Variants in BCAT1 observed in about 807,000 individuals in gnomAD.
The protein encoded by BCAT1 is branched chain amino acid transaminase 1.
In BCAT1, 48 loss-of-function variants were observed where a neutral mutation model predicts 52.4. That is an observed-to-expected ratio of 0.92 (90% CI 0.73 to 1.16). The LOEUF is 1.16. Ranked by LOEUF, BCAT1 falls within the 50% of genes most tolerant of loss-of-function variation. The pLI is 0.00. For synonymous variants in BCAT1, 167 were observed against 161.3 expected, an observed-to-expected ratio of 1.04 and a Z score of -0.27; for missense variants, 451 against 457.1, an observed-to-expected ratio of 0.99 and a Z score of 0.12.
chr12:24,887,612 T>C (rs976837478), intron 3 of BCAT1, among the ~76,000 whole-genome samples: 34 of 152,362 alleles, frequency 2.2e-4, no homozygotes, highest in African/African-American at 7.9e-4. Flanking sequence ...CGAGGGCTTC[T>C]GTGATGTTCA....
At chr12:24,896,165 T>A (rs1942955672) in intron 2 of BCAT1, among the ~76,000 whole-genome samples, 1 of 152,244 alleles carries the variant, frequency 6.6e-6, no homozygotes, top group Non-Finnish European at 1.5e-5. Flanking sequence ...GTTTTACCAC[T>A]ATTTAATTCA....
chr12:24,855,332 A>G (rs1591810704), intron 5 of BCAT1, among the ~76,000 whole-genome samples: 1 of 152,006 alleles, frequency 6.6e-6, no homozygotes, highest in South Asian at 2.1e-4. Context: ...GAAAGAAAAA[A>G]AAAAGAAAAG....
intron 6 of BCAT1, among the ~76,000 whole-genome samples, chr12:24,848,208 A>G (rs1336206858): frequency 6.6e-6 from 1 of 152,218 alleles, no homozygotes; most frequent in Non-Finnish European, 1.5e-5. Context: ...TTTTTATAAT[A>G]GATTTTATTA....
chr12:24,829,930 G>T (rs199989623), intron 9 of BCAT1, 33 bp from the exon 10 acceptor site: 1 of 1,510,812 alleles, frequency 6.6e-7, no homozygotes, highest in Admixed American at 1.8e-5. Context: ...ATAATTTGAG[G>T]GTACTCATGT....
Position 24,817,941 on chromosome 12 carries a change from G to A in BCAT1, c.*67C>T. 6.6e-7 allele frequency: 1 copy of A among 1,507,170 alleles called. No individual in the cohort carries two copies. Among genetic ancestry groups the A allele is most frequent in the South Asian group, 1.1e-5 (1 of 87,670 alleles). The allele number at this position is 1,507,170 out of a possible 1,614,324, so 93.4% of individuals were successfully genotyped here. On this transcript the variant is annotated 3_prime_UTR_variant, in exon 11 of 11. Coordinates refer to ENST00000261192, the MANE Select transcript of BCAT1 (RefSeq NM_005504.7). ...CAAAGAAATCTATCACAATTCAAAT[G>A]CAACAGTCTGTCCCAGTAGCATACA...
At position 24,881,412 on chromosome 12, in the gene BCAT1, C is replaced by T. The variant is rs780720384; in HGVS notation, c.280-1G>A. 1 of 1,595,886 alleles carries T rather than the reference C, an allele frequency of 6.3e-7. No individual in the cohort carries two copies. The highest frequency in any genetic ancestry group is 8.6e-7 in the Non-Finnish European group (1 of 1,164,010). ...GAAATGCCTTCAATCCTTCAAATAA[C>T]TGGAGATCAAAGAGAAAAAATCTTA... is the stretch of plus-strand genomic sequence containing the variant. On this transcript the variant is annotated splice_acceptor_variant, in intron 3 of 10. Transcript: ENST00000261192. LOFTEE classifies it high-confidence loss of function.
chr12:24,901,070 T>C (rs914508351), intron 2 of BCAT1, among the ~76,000 whole-genome samples: 1 of 152,236 alleles, frequency 6.6e-6, no homozygotes, highest in Admixed American at 6.5e-5. Context: ...CACCTTTGGA[T>C]GTCCAATGCA....
rs534785465 is a variant in BCAT1, at chr12:24,945,614, C to A, written c.6+3313G>T. The A allele has an allele frequency of 2.0e-5, 3 of 152,326 alleles. No homozygotes were observed. The South Asian group carries it at 6.2e-4, about 32-fold the overall frequency. The allele number at this position is 152,326 out of a possible 1,614,324, so 9.4% of individuals were successfully genotyped here. A position where few individuals can be genotyped will look rare whatever the true frequency, so the allele number is the denominator to read the frequency against. On this transcript the variant is annotated intron_variant, in intron 1 of 10. Transcript: ENST00000261192. ...TTGGGAGGCCGAGATGGGCAGATCG[C>A]TTGAGGCCAGGAGTTCCAGACCAGC...
At chr12:24,894,148 A>G (rs1942905314) in intron 3 of BCAT1, 127 bp downstream of exon 3, 1 of 842,890 alleles carries the variant, frequency 1.2e-6, no homozygotes, top group Admixed American at 3.3e-5. Flanking sequence ...TTTTAAAGAC[A>G]TTTTCGGCTT....
intron 10 of BCAT1, among the ~76,000 whole-genome samples, chr12:24,827,444 C>A (rs911316672): frequency 6.6e-6 from 1 of 152,106 alleles, no homozygotes; most frequent in Admixed American, 6.6e-5. Context: ...ACAGAAAATT[C>A]TCATAGAAAA....
At chr12:24,826,534 TTA>T (rs1940406208) in intron 10 of BCAT1, among the ~76,000 whole-genome samples, 1 of 152,194 alleles carries the variant, frequency 6.6e-6, no homozygotes, top group Non-Finnish European at 1.5e-5. Context: ...GTTTTGGTTA[TTA>T]TAGTTTTATA....
At chr12:24,870,648 G>A (rs765537013) in intron 5 of BCAT1, among the ~76,000 whole-genome samples, 15 of 152,236 alleles carry the variant, frequency 9.9e-5, no homozygotes, top group Admixed American at 2.0e-4. Flanking sequence ...GTTGCGGGAT[G>A]GAGGTTAAGA....
At chr12:24,849,690 GA>G in intron 6 of BCAT1, 95 bp downstream of exon 6, 6 of 1,291,844 alleles carry the variant, frequency 4.6e-6, no homozygotes, top group Non-Finnish European at 6.3e-6. Context: ...ATTAAAGTTT[GA>G]AAAGTATTAT....
At chr12:24,844,532 G>C (rs1023077662) in intron 6 of BCAT1, among the ~76,000 whole-genome samples, 1 of 152,130 alleles carries the variant, frequency 6.6e-6, no homozygotes, top group Non-Finnish European at 1.5e-5. Flanking sequence ...GTAAGCTGTG[G>C]AAAATAGACA....
chr12:24,850,989 G>A (rs1941492566), intron 5 of BCAT1, among the ~76,000 whole-genome samples: 1 of 152,142 alleles, frequency 6.6e-6, no homozygotes, highest in Non-Finnish European at 1.5e-5. Flanking sequence ...TGTAAAGCCA[G>A]AAGCCCACAA....
intron 1 of BCAT1, chr12:24,902,353 C>T: frequency 8.4e-7 from 1 of 1,190,292 alleles, no homozygotes; most frequent in Non-Finnish European, 1.0e-6. Context: ...ACCATTTCCT[C>T]CACCAGCAGG....
chr12:24,885,812 G>A (rs867499644), intron 3 of BCAT1, among the ~76,000 whole-genome samples: 1 of 152,138 alleles, frequency 6.6e-6, no homozygotes, highest in African/African-American at 2.4e-5. Flanking sequence ...ATGGTGCTGG[G>A]AAAACTGGGT....
At position 24,832,744 on chromosome 12, in the gene BCAT1, A is replaced by C. The variant is rs780974758; in HGVS notation, c.1023T>G (p.Ser341=). ...GTACCTCGCCTTTGTACAGTATATCAGAAACTGGGCAAACAACACAGGCTG... is the reference window on the plus strand; with the variant it reads ...GTACCTCGCCTTTGTACAGTATATCCGAAACTGGGCAAACAACACAGGCTG... ...SGTACVVCPV[S]DILYKGETIH... Residue 341 remains serine (S), a synonymous_variant, in exon 9 of 11, where the codon TCT becomes TCG. Coordinates refer to ENST00000261192, the MANE Select transcript of BCAT1 (RefSeq NM_005504.7). 29 of 1,611,280 alleles carry C rather than the reference A, an allele frequency of 1.8e-5. No homozygotes were observed. The highest frequency in any genetic ancestry group is 2.5e-5 in the Non-Finnish European group (29 of 1,178,652).
At chr12:24,861,370 C>T (rs1941845444) in intron 5 of BCAT1, among the ~76,000 whole-genome samples, 1 of 152,234 alleles carries the variant, frequency 6.6e-6, no homozygotes, top group Non-Finnish European at 1.5e-5. Context: ...GATAATTATA[C>T]TTATTTTGCT....
Sources: allele counts gnomAD v4.1 joint callset (sites outside exome capture counted in the v4.1 genomes callset), GRCh38; gene constraint gnomAD v4.1.1; transcripts MANE v1.5; gene names NCBI Gene and HGNC (gene_info 2026-07-23, HGNC 2026-07-21).